Variants in LPA observed in about 807,000 individuals in gnomAD.
LPA encodes the protein lipoprotein(a), also known as apolipoprotein(a).
A neutral mutation model predicts 197.9 loss-of-function variants in LPA; 199 were observed. The ratio of observed to expected loss-of-function variants is 1.01; its 90% CI spans 0.90 to 1.13. LPA has a LOEUF of 1.13. Among genes scored for constraint, LPA ranks in the 50% most tolerant of loss-of-function variants. The pLI is 0.00. For synonymous variants in LPA, 715 were observed against 639.5 expected (o/e 1.12, Z -1.78); for missense variants, 1,853 against 1,785.8 (o/e 1.04, Z -0.68).
At position 160,600,952 on chromosome 6, in the gene LPA, A is replaced by G. The variant is rs970019670; in HGVS notation, c.3092T>C (p.Ile1031Thr). Residue 1031 changes from isoleucine to threonine, a missense_variant, in exon 19 of 39, where the codon ATT becomes ACT. Ile to Thr is a moderately conservative substitution (Grantham distance 89). Transcript: ENST00000316300. ...EWTAFVPPNV[I>T]LAPSLEAFFE... is the part of the protein sequence containing the mutation. Reference sequence around the variant, plus strand: ...AAAAGCCTCTAGGCTTGGAGCCAGAATAACATTCGGAGGGACGAAGGCAGT... The same window carrying G: ...AAAAGCCTCTAGGCTTGGAGCCAGAGTAACATTCGGAGGGACGAAGGCAGT... The G allele has an allele frequency of 6.2e-7, 1 of 1,613,388 alleles. No homozygotes were observed. The highest frequency in any genetic ancestry group is 8.5e-7 in the Non-Finnish European group (1 of 1,179,968).
intron 30 of LPA, among the ~76,000 whole-genome samples, chr6:160,554,204 A>T (rs1056817245): frequency 2.0e-5 from 3 of 151,904 alleles, no homozygotes; most frequent in African/African-American, 7.3e-5. Context: ...GAACACAATT[A>T]TCATATATAC....
intron 1 of LPA, among the ~76,000 whole-genome samples, chr6:160,653,998 A>ATAT (rs370921680): frequency 0.076 from 1,085 of 14,324 alleles, 87 homozygotes; most frequent in African/African-American, 0.15. Flanking sequence ...AATATATATT[A>ATAT]TATATAATAT....
intron 30 of LPA, among the ~76,000 whole-genome samples, chr6:160,554,086 G>T (rs1009476300): frequency 6.6e-6 from 1 of 151,840 alleles, no homozygotes; most frequent in African/African-American, 2.4e-5. Flanking sequence ...TTTTATTAAG[G>T]TTATACTTTT....
At chr6:160,572,936 A>G (rs1314091896) in intron 28 of LPA, among the ~76,000 whole-genome samples, 1 of 151,944 alleles carries the variant, frequency 6.6e-6, no homozygotes, top group Non-Finnish European at 1.5e-5. Context: ...TGCTGCTTGT[A>G]TTTACATGTT....
chr6:160,548,616 C>A lies in LPA; in HGVS notation c.5017G>T (p.Gly1673Cys). 6.2e-7 allele frequency: 1 copy of A among 1,614,102 alleles called. No homozygotes were observed. Among genetic ancestry groups the A allele is most frequent in the Admixed American group, 1.7e-5 (1 of 60,012 alleles). ...NYCRNPDADT[G>C]PWCFTMDPSI... The stretch of plus-strand genomic sequence containing the variant: ...GGGTCCATGGTAAAACACCAAGGGC[C>A]TGTATCGGCATCTGGATTCCTGCAG... Residue 1673 changes from glycine to cysteine, a missense_variant, in exon 31 of 39, where the codon GGC becomes TGC. Gly to Cys is a radical substitution (Grantham distance 159). Transcript: ENST00000316300.
chr6:160,590,392 C>T (rs183954374), intron 23 of LPA, among the ~76,000 whole-genome samples: 1 of 152,118 alleles, frequency 6.6e-6, no homozygotes. Context: ...TCCATCAAAG[C>T]CTAGGTGTGC....
chr6:160,597,091 T>A (rs1479092151), intron 20 of LPA, among the ~76,000 whole-genome samples: 1 of 152,180 alleles, frequency 6.6e-6, no homozygotes, highest in African/African-American at 2.4e-5. Flanking sequence ...TGCTGGAAGG[T>A]CATGTGTAGA....
chr6:160,664,259 G>T lies in LPA; in HGVS notation c.-45C>A. 1 of 1,593,412 alleles carries T rather than the reference G, an allele frequency of 6.3e-7. No individual in the cohort carries two copies. Among genetic ancestry groups the T allele is most frequent in the East Asian group, 2.2e-5 (1 of 44,780 alleles). ...GCCCAGAAAGTGTGTCCCAATCCCA[G>T]GACATTGTTGACTTACATGAGAGTA... On this transcript the variant is annotated 5_prime_UTR_variant, in exon 1 of 39. In the 5' UTR this introduces an upstream ATG that the reference lacks. Transcript: ENST00000316300.
rs1452320083 is a variant in LPA, at chr6:160,595,366, A to G, written c.3457T>C (p.Ser1153Pro). 6.2e-7 allele frequency: 1 copy of G among 1,612,612 alleles called. No individual in the cohort carries two copies. The highest frequency in any genetic ancestry group is 2.2e-5 in the East Asian group (1 of 44,874). ...ATAGACTTCCTACCTTCTTCAGAAG[A>G]AGCCTCTGTGCTTGGATCTGGGACC... is the stretch of plus-strand genomic sequence containing the variant. ...TVVPDPSTEA[S>P]SEEAPTEQSP... The change falls in exon 21 of 39, where the codon TCT becomes CCT. Residue 1153 changes from serine (S) to proline (P), a missense_variant. By Grantham distance (74) the Ser-to-Pro change is moderately conservative. Transcript: ENST00000316300.
intron 17 of LPA, among the ~76,000 whole-genome samples, chr6:160,606,232 G>C (rs1163617955): frequency 2.6e-5 from 4 of 152,114 alleles, no homozygotes; most frequent in Admixed American, 6.5e-5. Context: ...TCAACGAGGT[G>C]AGTTGTGAAG....
intron 30 of LPA, among the ~76,000 whole-genome samples, chr6:160,553,954 TGCGCGC>T (rs1554231703): frequency 3.1e-5 from 4 of 130,744 alleles, no homozygotes; most frequent in Non-Finnish European, 3.2e-5. Flanking sequence ...TGTGTGTGTG[TGCGCGC>T]GCGCGCGTGT....
At chr6:160,577,770 G>A (rs1402350008) in intron 27 of LPA, among the ~76,000 whole-genome samples, 1 of 152,180 alleles carries the variant, frequency 6.6e-6, no homozygotes, top group African/African-American at 2.4e-5. Context: ...ATTTAGGAGT[G>A]CAGGCAAAGA....
intron 6 of LPA, among the ~76,000 whole-genome samples, chr6:160,635,562 A>G (rs1779800880): frequency 1.6e-5 from 2 of 123,534 alleles, no homozygotes. Context: ...AAACACTGAG[A>G]TAACACACAC....
intron 28 of LPA, among the ~76,000 whole-genome samples, chr6:160,575,609 C>T (rs957953639): frequency 1.3e-5 from 2 of 152,190 alleles, no homozygotes; most frequent in African/African-American, 4.8e-5. Flanking sequence ...TCTTAAAATA[C>T]ATCAACTCTG....
At chr6:160,580,148 G>T (rs530956170) in intron 26 of LPA, among the ~76,000 whole-genome samples, 1 of 152,254 alleles carries the variant, frequency 6.6e-6, no homozygotes, top group Admixed American at 6.5e-5. Context: ...ACACTTTGAC[G>T]TCTGGCTTCT....
intron 2 of LPA, among the ~76,000 whole-genome samples, chr6:160,646,870 G>A (rs13194662): frequency 4.7e-5 from 7 of 147,620 alleles, no homozygotes; most frequent in Non-Finnish European, 7.6e-5. Context: ...GTTCTTCAGA[G>A]AAAACATGGC....
At chr6:160,555,577 C>T (rs1344317011) in intron 30 of LPA, among the ~76,000 whole-genome samples, 1 of 149,446 alleles carries the variant, frequency 6.7e-6, no homozygotes, top group East Asian at 1.9e-4. Context: ...ACATACTAGT[C>T]TGAATAAACA....
At chr6:160,533,269 G>A (rs1422411682) in intron 37 of LPA, among the ~76,000 whole-genome samples, 1 of 152,118 alleles carries the variant, frequency 6.6e-6, no homozygotes, top group African/African-American at 2.4e-5. Context: ...ACTCTATGTT[G>A]TATAAATTTT....
chr6:160,548,200 C>T (rs188736747), intron 31 of LPA, among the ~76,000 whole-genome samples: 1 of 152,126 alleles, frequency 6.6e-6, no homozygotes. Flanking sequence ...TGAAATAACC[C>T]ATTTTAGAAT....
Sources: allele counts gnomAD v4.1 joint callset (sites outside exome capture counted in the v4.1 genomes callset), GRCh38; gene constraint gnomAD v4.1.1; transcripts MANE v1.5; gene names NCBI Gene and HGNC (gene_info 2026-07-23, HGNC 2026-07-21).